MIER2: variants seen among roughly 807,000 people sequenced by gnomAD.
The protein encoded by MIER2 is mesoderm induction early response protein 2.
Under a neutral mutation model 67.6 loss-of-function variants are expected in MIER2, and 30 were observed. That is an observed-to-expected ratio of 0.44 (90% CI 0.33 to 0.60). The LOEUF (loss-of-function observed/expected upper bound fraction) is 0.60. Among genes scored for constraint, MIER2 ranks in the 20% least tolerant of loss-of-function variants. MIER2 has a pLI of 0.02. For synonymous variants in MIER2, 372 were observed against 312.6 expected (o/e 1.19, Z -2.00); for missense variants, 702 against 745.1 (o/e 0.94, Z 0.67).
At position 308,562 on chromosome 19, in the gene MIER2, C is replaced by T. The variant is rs1224041881; in HGVS notation, c.1198+15G>A. On this transcript the variant is annotated intron_variant, in intron 12 of 13. Transcript: ENST00000264819. This position sits in a 1 kb window ranked among gnomAD's most constrained non-coding sequence, Gnocchi z 9.1. ...GTGGCCGCCCCCAGGGCAGGAGATA[C>T]TCCCCAAGCCTCACCTGTGCGCATC... is the stretch of plus-strand genomic sequence containing the variant. 1.9e-6 allele frequency: 3 copies of T among 1,584,634 alleles called. No homozygotes were observed. In the African/African-American group the frequency reaches 4.0e-5, roughly 21 times the overall value.
intron 6 of MIER2, 78 bp downstream of exon 6, chr19:326,429 A>G (rs1300638766): frequency 1.5e-6 from 2 of 1,346,968 alleles, no homozygotes; most frequent in African/African-American, 2.9e-5. Context: ...CGGCAGAGCC[A>G]CGGTCGGGAT....
At chr19:341,563 T>C (rs1972503324) in intron 1 of MIER2, among the ~76,000 whole-genome samples, 1 of 152,136 alleles carries the variant, frequency 6.6e-6, no homozygotes, top group Non-Finnish European at 1.5e-5. Flanking sequence ...TCATGGATCT[T>C]CTTCCTCCCG....
intron 7 of MIER2, among the ~76,000 whole-genome samples, chr19:316,594 T>C (rs1038398798): frequency 6.6e-6 from 1 of 152,204 alleles, no homozygotes. Flanking sequence ...CCGGCTCATA[T>C]GTAAAATTAA....
intron 1 of MIER2, chr19:344,273 G>A (rs1972636646): frequency 1.0e-6 from 1 of 985,274 alleles, no homozygotes; most frequent in Non-Finnish European, 1.2e-6. Flanking sequence ...AGCCCCGCCG[G>A]GGGGCTCGCG....
chr19:336,126 C>G lies in MIER2; in HGVS notation c.57G>C (p.Glu19Asp), dbSNP rs147210482. The G allele has an allele frequency of 3.2e-5, 52 of 1,613,784 alleles. No homozygotes were observed. In the African/African-American group the frequency reaches 6.8e-4, roughly 21 times the overall value. The part of the protein sequence containing the change: ...RQSPRVVSCL[E>D]HSLCPGEPGL... ...CCGGCTCCCCTGGGCACAGGCTGTGCTCGAGGCAGGAGACCACGCGAGGAC... is the reference window on the plus strand; with the variant it reads ...CCGGCTCCCCTGGGCACAGGCTGTGGTCGAGGCAGGAGACCACGCGAGGAC... The change falls in exon 2 of 14, where the codon GAG becomes GAC. Residue 19 changes from glutamate (E) to aspartate (D), a missense_variant. Physicochemically the swap from Glu to Asp is conservative, Grantham distance 45. Transcript: ENST00000264819.
In MIER2 at chr19:306,534, C is replaced by T; in HGVS notation, c.*156G>A. On this transcript the variant is annotated 3_prime_UTR_variant, in exon 14 of 14. Transcript: ENST00000264819. ...TGGACAGGGGCAAGGGCTCACGGCC[C>T]AGCCACCTCACCCCAGTCCTGACGT... The T allele has an allele frequency of 9.7e-7, 1 of 1,033,156 alleles. No individual in the cohort carries two copies. Among genetic ancestry groups the T allele is most frequent in the Non-Finnish European group, 1.4e-6 (1 of 702,152 alleles). 64.0% of individuals were successfully genotyped at this position (1,033,156 alleles called of 1,614,324 possible). A position where few individuals can be genotyped will look rare whatever the true frequency, so the allele number is the denominator to read the frequency against.
chr19:321,914 T>C (rs1971520739), intron 7 of MIER2, among the ~76,000 whole-genome samples: 1 of 152,016 alleles, frequency 6.6e-6, no homozygotes, highest in Admixed American at 6.6e-5. Flanking sequence ...ATTTTTATTT[T>C]TTATTTTTGA....
At chr19:323,460 G>C (rs889124502) in intron 7 of MIER2, among the ~76,000 whole-genome samples, 1 of 150,316 alleles carries the variant, frequency 6.7e-6, no homozygotes, top group African/African-American at 2.5e-5. Context: ...CAGACGACTC[G>C]AATGACACAG....
At chr19:334,930 C>CG (rs1229657842) in intron 2 of MIER2, among the ~76,000 whole-genome samples, 1 of 152,128 alleles carries the variant, frequency 6.6e-6, no homozygotes, top group Non-Finnish European at 1.5e-5. Flanking sequence ...ACTCCTGAAA[C>CG]GGGGGTGACG....
chr19:329,897 G>A (rs1971941723), intron 3 of MIER2, among the ~76,000 whole-genome samples: 1 of 151,300 alleles, frequency 6.6e-6, no homozygotes, highest in African/African-American at 2.4e-5. Flanking sequence ...AGAAGATGCT[G>A]GACAAAGTGA....
chr19:307,551 G>GC lies in MIER2; in HGVS notation c.1199-16dup. 1 of 1,493,280 alleles carries GC rather than the reference G, an allele frequency of 6.7e-7. No individual in the cohort carries two copies. The highest frequency in any genetic ancestry group is 8.9e-7 in the Non-Finnish European group (1 of 1,128,570). 92.5% of individuals were successfully genotyped at this position (1,493,280 alleles called of 1,614,324 possible). On this transcript the variant is annotated splice_polypyrimidine_tract_variant and intron_variant, in intron 12 of 13. Transcript: ENST00000264819. Reference sequence around the variant, plus strand: ...GCTCAGTGGATCTGTGAAAGAGAACGCAACAGAGGGTGGGGCCTGCCCACA... The same window carrying GC: ...GCTCAGTGGATCTGTGAAAGAGAACGCCAACAGAGGGTGGGGCCTGCCCACA...
chr19:327,742 C>A (rs1055586071), intron 4 of MIER2, 122 bp downstream of exon 4: 28 of 1,459,844 alleles, frequency 1.9e-5, no homozygotes, highest in Non-Finnish European at 2.4e-5. Context: ...GTCACAGGTA[C>A]ATTCTACTTA....
Position 306,493 on chromosome 19 carries a change from G to A in MIER2, c.*197C>T, listed in dbSNP as rs533306845. 3.6e-5 allele frequency: 26 copies of A among 729,902 alleles called. 1 individual carries two copies. The highest frequency in any genetic ancestry group is 4.0e-4 in the Middle Eastern group (1 of 2,522). The allele number at this position is 729,902 out of a possible 1,614,324, so 45.2% of individuals were successfully genotyped here. A position where few individuals can be genotyped will look rare whatever the true frequency, so the allele number is the denominator to read the frequency against. On this transcript the variant is annotated 3_prime_UTR_variant, in exon 14 of 14. Transcript: ENST00000264819. The stretch of plus-strand genomic sequence containing the variant: ...GGCGCTGACGGCGCTGGGTGGGGCC[G>A]TGGGTCCATTCTGTGTGGACAGGGG...
intron 3 of MIER2, chr19:330,500 G>C (rs1486647454): frequency 6.8e-6 from 1 of 148,128 alleles, no homozygotes; most frequent in Non-Finnish European, 1.5e-5. Context: ...AGTGAGCCAA[G>C]ATCGCGCCAC....
chr19:331,158 G>A (rs546831867), intron 3 of MIER2, among the ~76,000 whole-genome samples: 10 of 151,902 alleles, frequency 6.6e-5, no homozygotes, highest in Non-Finnish European at 1.3e-4. Flanking sequence ...TCAGGAGTTC[G>A]AGACCAGCCT....
At chr19:320,250 G>A (rs118128818) in intron 7 of MIER2, among the ~76,000 whole-genome samples, 5,608 of 151,910 alleles carry the variant, frequency 0.037, 160 homozygotes, top group South Asian at 0.072. Flanking sequence ...GTGCAGTGGC[G>A]CACATCTGTA....
chr19:322,048 G>A (rs1971527042), intron 7 of MIER2, among the ~76,000 whole-genome samples: 1 of 152,062 alleles, frequency 6.6e-6, no homozygotes, highest in East Asian at 1.9e-4. Flanking sequence ...GGGACTACAG[G>A]TGCCCGCCAC....
intron 7 of MIER2, among the ~76,000 whole-genome samples, chr19:321,326 G>A (rs560225765): frequency 4.6e-5 from 7 of 152,256 alleles, no homozygotes; most frequent in Non-Finnish European, 7.4e-5. Flanking sequence ...TTATTCCACC[G>A]TGCACCGTTA....
intron 1 of MIER2, 33 bp downstream of exon 1, chr19:344,741 C>T: frequency 4.4e-6 from 5 of 1,145,398 alleles, no homozygotes; most frequent in Non-Finnish European, 4.3e-6. Context: ...CGCGCGGGGG[C>T]GGGGGGCCGG....
Sources: gnomAD v4.1 joint callset for allele counts (sites outside exome capture counted in the v4.1 genomes callset) on GRCh38, gnomAD v4.1.1 for gene constraint, Gnocchi (gnomAD v3.1) non-coding constraint, MANE v1.5 for transcripts, NCBI Gene and HGNC (gene_info 2026-07-23, HGNC 2026-07-21) for gene names.